The following CACNA2D3 variants were observed in gnomAD, a reference collection of about 807,000 sequenced individuals.
CACNA2D3 encodes voltage-dependent calcium channel subunit alpha-2/delta-3.
CACNA2D3 carries 60 observed loss-of-function variants against 160.6 expected under a neutral mutation model. The observed-to-expected ratio is 0.37, with a 90% CI of 0.30 to 0.46. CACNA2D3 has a LOEUF of 0.46. CACNA2D3 is among the 20% of genes least tolerant of loss of function. The probability of loss-of-function intolerance (pLI) is 1.00; values close to 1 mark genes in which losing one functional copy is unlikely to be tolerated. For synonymous variants in CACNA2D3, 558 were observed against 492.9 expected (o/e 1.13, Z -1.75); for missense variants, 1,205 against 1,365.0 (o/e 0.88, Z 1.85).
intron 3 of CACNA2D3, among the ~76,000 whole-genome samples, chr3:54,355,486 T>C (rs1304746729): frequency 6.6e-6 from 1 of 152,088 alleles, no homozygotes; most frequent in African/African-American, 2.4e-5. Context: ...CAGGATATAT[T>C]TGAAGTTAGA....
intron 5 of CACNA2D3, among the ~76,000 whole-genome samples, chr3:54,558,194 C>T (rs1208286178): frequency 6.6e-6 from 1 of 152,160 alleles, no homozygotes; most frequent in Non-Finnish European, 1.5e-5. Context: ...TAACCTCATC[C>T]GTCCTCACCC....
At chr3:54,699,572 C>T (rs1216279382) in intron 11 of CACNA2D3, among the ~76,000 whole-genome samples, 2 of 152,076 alleles carry the variant, frequency 1.3e-5, no homozygotes, top group South Asian at 2.1e-4. Flanking sequence ...TTATCTTCTC[C>T]GTGAGACTAG....
chr3:54,162,096 C>A (rs933196798), intron 2 of CACNA2D3, among the ~76,000 whole-genome samples: 1 of 152,164 alleles, frequency 6.6e-6, no homozygotes, highest in Admixed American at 6.6e-5. Context: ...GGACACTGGG[C>A]CAGAGGCTGT....
At chr3:54,465,291 A>T (rs1700600728) in intron 4 of CACNA2D3, among the ~76,000 whole-genome samples, 1 of 151,700 alleles carries the variant, frequency 6.6e-6, no homozygotes, top group South Asian at 2.1e-4. Flanking sequence ...TTTATATCTC[A>T]CTGAGTTTCC....
At chr3:55,015,233 G>A (rs1202697887) in intron 34 of CACNA2D3, among the ~76,000 whole-genome samples, 2 of 152,142 alleles carry the variant, frequency 1.3e-5, no homozygotes, top group Non-Finnish European at 2.9e-5. Flanking sequence ...TCACAGAGCA[G>A]TTAAACATAT....
intron 3 of CACNA2D3, among the ~76,000 whole-genome samples, chr3:54,369,419 C>T (rs1218630387): frequency 3.9e-5 from 6 of 152,142 alleles, no homozygotes; most frequent in Admixed American, 6.5e-5. Flanking sequence ...TGACTGCCGG[C>T]GGGCCTGAGG....
intron 3 of CACNA2D3, among the ~76,000 whole-genome samples, chr3:54,357,400 A>C (rs1482307760): frequency 6.6e-6 from 1 of 152,202 alleles, no homozygotes; most frequent in Non-Finnish European, 1.5e-5. Flanking sequence ...TCTTTTATTG[A>C]AATATAAAGT....
At chr3:54,871,477 G>A in intron 17 of CACNA2D3, 62 bp from the exon 18 acceptor site, 1 of 1,278,084 alleles carries the variant, frequency 7.8e-7, no homozygotes, top group South Asian at 1.3e-5. Context: ...GGTAAAGATT[G>A]CCCTGGCTGA....
rs548003090 is a variant in CACNA2D3, at chr3:54,146,597, G to A, written c.204+23003G>A. 1.7e-3 allele frequency among the ~76,000 whole-genome samples: 262 copies of A among 152,352 alleles called. 1 individual carries two copies. Among genetic ancestry groups the A allele is most frequent in the African/African-American group, 5.9e-3 (247 of 41,596 alleles). On this transcript the variant is annotated intron_variant, in intron 2 of 37. Coordinates refer to ENST00000474759, the MANE Select transcript of CACNA2D3 (RefSeq NM_018398.3). ...GGCTGACACAGGAATGTGGGGAAGG[G>A]GGGCGTGGCCTAGTGTGTCTCTTTG...
At chr3:54,549,475 AAAAC>A (rs1223181432) in intron 5 of CACNA2D3, among the ~76,000 whole-genome samples, 7 of 152,240 alleles carry the variant, frequency 4.6e-5, no homozygotes, top group Admixed American at 2.6e-4. Flanking sequence ...AACAAACAAA[AAAAC>A]AAACAACAAA....
chr3:54,749,134 A>T (rs1447366226), intron 11 of CACNA2D3, among the ~76,000 whole-genome samples: 1 of 152,240 alleles, frequency 6.6e-6, no homozygotes, highest in East Asian at 1.9e-4. Context: ...TTATTAAAGC[A>T]ATGCTAGTTT....
chr3:55,024,919 ACT>A (rs1200426850), intron 35 of CACNA2D3, among the ~76,000 whole-genome samples: 5 of 152,156 alleles, frequency 3.3e-5, no homozygotes, highest in African/African-American at 1.2e-4. Flanking sequence ...ACAATTCATG[ACT>A]CTATGGTTTT....
At chr3:54,472,292 A>G (rs1700747776) in intron 4 of CACNA2D3, among the ~76,000 whole-genome samples, 1 of 152,232 alleles carries the variant, frequency 6.6e-6, no homozygotes, top group Non-Finnish European at 1.5e-5. Context: ...ACCAATGACA[A>G]AAACCACATG....
At chr3:54,940,548 C>T (rs1291050539) in intron 27 of CACNA2D3, among the ~76,000 whole-genome samples, 1 of 152,056 alleles carries the variant, frequency 6.6e-6, no homozygotes, top group Non-Finnish European at 1.5e-5. Context: ...TCCGTAAAGC[C>T]CCCTCCCCTT....
At chr3:54,405,479 G>A (rs535047992) in intron 4 of CACNA2D3, among the ~76,000 whole-genome samples, 25 of 151,994 alleles carry the variant, frequency 1.6e-4, no homozygotes, top group Non-Finnish European at 3.2e-4. Flanking sequence ...GGAAAGAATA[G>A]TCTCATTAAT....
intron 3 of CACNA2D3, among the ~76,000 whole-genome samples, chr3:54,341,409 T>TA (rs1453181549): frequency 6.6e-6 from 1 of 152,132 alleles, no homozygotes; most frequent in Non-Finnish European, 1.5e-5. Context: ...GGTGGAGATT[T>TA]ACTGGGAAGC....
rs1235020919 is a variant in CACNA2D3, at chr3:55,070,645, T to TTTATC, written c.2988-2797_2988-2793dup. On this transcript the variant is annotated intron_variant, in intron 35 of 37. Transcript: ENST00000474759. ...ACAATGTATAGGGCACAGGTGCAGGTTTATCTTCTTATTTTTCCAGCTTCT... is the reference window on the plus strand; with the variant it reads ...ACAATGTATAGGGCACAGGTGCAGGTTTATCTTATCTTCTTATTTTTCCAGCTTCT... 6.6e-5 allele frequency among the ~76,000 whole-genome samples: 10 copies of TTTATC among 152,212 alleles called. No homozygotes were observed. The East Asian group carries it at 1.9e-3, about 29-fold the overall frequency.
At chr3:54,699,102 A>C (rs907140857) in intron 11 of CACNA2D3, among the ~76,000 whole-genome samples, 17 of 152,338 alleles carry the variant, frequency 1.1e-4, no homozygotes, top group African/African-American at 4.1e-4. Flanking sequence ...CAGAAGTCTT[A>C]AGACGAAAAT....
intron 3 of CACNA2D3, among the ~76,000 whole-genome samples, chr3:54,369,215 TAAAC>T (rs146527251): frequency 1.5e-3 from 233 of 151,630 alleles, no homozygotes; most frequent in East Asian, 6.8e-3. Flanking sequence ...ATTGTCCTCT[TAAAC>T]AAACAAACAA....
Sources: gnomAD v4.1 joint callset for allele counts (sites outside exome capture counted in the v4.1 genomes callset) on GRCh38, gnomAD v4.1.1 for gene constraint, MANE v1.5 for transcripts, NCBI Gene and HGNC (gene_info 2026-07-23, HGNC 2026-07-21) for gene names.